ROBO2: variants seen among roughly 807,000 people sequenced by gnomAD.
ROBO2 encodes roundabout homolog 2.
A neutral mutation model predicts 160.8 loss-of-function variants in ROBO2; 53 were observed. The ratio of observed to expected loss-of-function variants is 0.33; its 90% CI spans 0.26 to 0.41. ROBO2 has a LOEUF of 0.41. Among genes scored for constraint, ROBO2 ranks in the 10% least tolerant of loss-of-function variants. ROBO2 has a pLI of 1.00. For synonymous variants in ROBO2, 664 were observed against 611.7 expected (o/e 1.09, Z -1.26); for missense variants, 1,577 against 1,722.4 (o/e 0.92, Z 1.49).
chr3:76,459,669 G>A (rs1362797691), intron 2 of ROBO2, among the ~76,000 whole-genome samples: 1 of 152,096 alleles, frequency 6.6e-6, no homozygotes, highest in Non-Finnish European at 1.5e-5. Context: ...GTTCATTAAT[G>A]TAATAAGACA....
chr3:76,563,353 A>G (rs2084317743), intron 2 of ROBO2, among the ~76,000 whole-genome samples: 1 of 152,196 alleles, frequency 6.6e-6, no homozygotes, highest in Non-Finnish European at 1.5e-5. Context: ...TGAGAACACT[A>G]ACCTACCACA....
chr3:77,477,686 C>G (rs144360740), intron 3 of ROBO2, 115 bp downstream of exon 3: 3 of 1,076,314 alleles, frequency 2.8e-6, no homozygotes, highest in Non-Finnish European at 4.2e-6. Flanking sequence ...ATGTTAATTA[C>G]AATTTATACT....
At chr3:77,308,971 C>T (rs761058256) in intron 2 of ROBO2, among the ~76,000 whole-genome samples, 3 of 151,906 alleles carry the variant, frequency 2.0e-5, no homozygotes, top group Non-Finnish European at 4.4e-5. Context: ...GACCATAAAT[C>T]AAGAGGTTAA....
At chr3:76,832,362 A>C (rs1221136854) in intron 2 of ROBO2, among the ~76,000 whole-genome samples, 1 of 152,194 alleles carries the variant, frequency 6.6e-6, no homozygotes, top group Non-Finnish European at 1.5e-5. Flanking sequence ...ATTAATGGCA[A>C]AGATCATAGA....
intron 2 of ROBO2, among the ~76,000 whole-genome samples, chr3:76,425,530 G>C (rs920122646): frequency 6.6e-6 from 1 of 151,252 alleles, no homozygotes; most frequent in Admixed American, 6.6e-5. Flanking sequence ...GTGTGTCTGT[G>C]TGTGTGTGTG....
chr3:76,954,668 C>G (rs1306454422), intron 2 of ROBO2, among the ~76,000 whole-genome samples: 1 of 152,042 alleles, frequency 6.6e-6, no homozygotes, highest in Non-Finnish European at 1.5e-5. Context: ...TAAAGAATGT[C>G]ATCTAAAAAA....
At chr3:76,938,971 C>CAAAAAAAAAAAAAA (rs71629626) in intron 2 of ROBO2, among the ~76,000 whole-genome samples, 21 of 114,596 alleles carry the variant, frequency 1.8e-4, no homozygotes, top group African/African-American at 6.0e-4. Context: ...AACTCAGTCT[C>CAAAAAAAAAAAAAA]AAAAAAAAAA....
At position 76,482,067 on chromosome 3, in the gene ROBO2, G is replaced by A. The variant is rs113651607; in HGVS notation, c.109+544465G>A. 9.9e-3 allele frequency among the ~76,000 whole-genome samples: 1,512 copies of A among 152,106 alleles called. 22 individuals are homozygous for A. The highest frequency in any genetic ancestry group is 0.034 in the African/African-American group (1,428 of 41,478). ...TACATGAAAAGAAAACACCTGATGT[G>A]CCAAATCTTGAATAGGAGCTGCCAG... On this transcript the variant is annotated intron_variant, in intron 2 of 26. Transcript: ENST00000487694.
chr3:76,917,869 G>C (rs2076421862), intron 2 of ROBO2, among the ~76,000 whole-genome samples: 1 of 152,096 alleles, frequency 6.6e-6, no homozygotes, highest in South Asian at 2.1e-4. Context: ...CAGAGCATGA[G>C]GAAAAGAGAG....
intron 1 of ROBO2, among the ~76,000 whole-genome samples, chr3:77,079,571 G>A (rs1398080613): frequency 6.6e-6 from 1 of 152,224 alleles, no homozygotes. Flanking sequence ...ATGGCCGTAA[G>A]TTAATGAAAG....
chr3:76,974,123 A>G (rs901682117), intron 2 of ROBO2, among the ~76,000 whole-genome samples: 8 of 152,196 alleles, frequency 5.3e-5, no homozygotes, highest in Admixed American at 4.6e-4. Context: ...AGCAAATAAA[A>G]TTATCTTTTA....
intron 2 of ROBO2, among the ~76,000 whole-genome samples, chr3:76,825,403 G>C (rs3911516): frequency 0.78 from 118,021 of 151,676 alleles, 46,508 homozygotes; most frequent in East Asian, 0.86. Context: ...CCAATATAAA[G>C]AAACAAAAAC....
chr3:76,890,924 A>G (rs2074298926), intron 2 of ROBO2, among the ~76,000 whole-genome samples: 1 of 152,136 alleles, frequency 6.6e-6, no homozygotes, highest in South Asian at 2.1e-4. Context: ...GTCACTATTA[A>G]GAATGATGTT....
At chr3:77,296,485 G>A (rs1448378552) in intron 2 of ROBO2, among the ~76,000 whole-genome samples, 1 of 152,144 alleles carries the variant, frequency 6.6e-6, no homozygotes, top group East Asian at 1.9e-4. Context: ...TGCCTCAGAT[G>A]TTGGTTTTTT....
chr3:77,234,779 T>C (rs994660938), intron 2 of ROBO2, among the ~76,000 whole-genome samples: 3 of 152,170 alleles, frequency 2.0e-5, no homozygotes, highest in African/African-American at 7.2e-5. Flanking sequence ...GAATTAAAAA[T>C]TCAATGACAA....
At chr3:75,940,892 A>G (rs1002114366) in intron 2 of ROBO2, among the ~76,000 whole-genome samples, 6 of 152,088 alleles carry the variant, frequency 3.9e-5, no homozygotes, top group Admixed American at 2.0e-4. Flanking sequence ...ACTCATTTAC[A>G]GGATTCTGGG....
At chr3:77,356,073 G>A (rs537500145) in intron 2 of ROBO2, among the ~76,000 whole-genome samples, 14 of 152,270 alleles carry the variant, frequency 9.2e-5, no homozygotes, top group African/African-American at 3.1e-4. Context: ...ACTTATGTAT[G>A]TGGGCATAGA....
intron 2 of ROBO2, among the ~76,000 whole-genome samples, chr3:76,660,388 A>G (rs2091766514): frequency 2.0e-5 from 3 of 152,196 alleles, no homozygotes; most frequent in Non-Finnish European, 4.4e-5. Context: ...TTAAATCTAC[A>G]GTTCCCAAGT....
chr3:76,332,350 C>T lies in ROBO2; in HGVS notation c.109+394748C>T, dbSNP rs1052493919. ...TAGGGCCAAATTTAGTACCCTTTCA[C>T]ATATGTTCATGTATTTTCAGCAAAG... On this transcript the variant is annotated intron_variant, in intron 2 of 26. Coordinates refer to the ROBO2 transcript ENST00000487694. Among the ~76,000 whole-genome samples the T allele has an allele frequency of 9.9e-5, 15 of 152,274 alleles. No individual in the cohort carries two copies. In the Middle Eastern group the frequency reaches 0.01, roughly 104 times the overall value.
Sources: allele counts gnomAD v4.1 joint callset (sites outside exome capture counted in the v4.1 genomes callset), GRCh38; gene constraint gnomAD v4.1.1; transcripts MANE v1.5; gene names NCBI Gene and HGNC (gene_info 2026-07-23, HGNC 2026-07-21).